The following TOX variants were observed in gnomAD, a reference collection of about 807,000 sequenced individuals.
The protein encoded by TOX is thymocyte selection-associated high mobility group box protein TOX.
Under a neutral mutation model 53.7 loss-of-function variants are expected in TOX, and 11 were observed. That is an observed-to-expected ratio of 0.20 (90% CI 0.13 to 0.34). The LOEUF is 0.34. TOX is among the 10% of genes least tolerant of loss of function. TOX has a pLI of 1.00. For missense variants in TOX, 570 were observed against 664.6 expected (o/e 0.86, Z 1.56); for synonymous variants, 225 against 245.3 (o/e 0.92, Z 0.77).
chr8:58,992,521 T>A (rs1199469128), intron 1 of TOX, among the ~76,000 whole-genome samples: 2 of 152,186 alleles, frequency 1.3e-5, no homozygotes, highest in Non-Finnish European at 2.9e-5. Context: ...CCTTCTTTCT[T>A]CTGTATGGAT....
chr8:59,082,254 C>T (rs1428172494), intron 1 of TOX, among the ~76,000 whole-genome samples: 3 of 152,180 alleles, frequency 2.0e-5, no homozygotes, highest in Non-Finnish European at 2.9e-5. Context: ...TTAAAGTTTG[C>T]TTTTAAAAAA....
At chr8:59,032,565 C>T (rs564723411) in intron 1 of TOX, among the ~76,000 whole-genome samples, 4 of 152,266 alleles carry the variant, frequency 2.6e-5, no homozygotes, top group East Asian at 3.9e-4. Flanking sequence ...CTGGCTAATG[C>T]CTGCCCTTTC....
chr8:59,010,904 C>T (rs1482099784), intron 1 of TOX, among the ~76,000 whole-genome samples: 1 of 152,152 alleles, frequency 6.6e-6, no homozygotes, highest in South Asian at 2.1e-4. Context: ...CTCAGGTTGC[C>T]CGGTATGTGT....
intron 1 of TOX, among the ~76,000 whole-genome samples, chr8:59,007,842 C>T (rs147584277): frequency 6.6e-6 from 1 of 152,286 alleles, no homozygotes; most frequent in East Asian, 1.9e-4. Flanking sequence ...CAACATGGGA[C>T]AGTCAACTTT....
At chr8:59,091,815 G>T (rs1804612116) in intron 1 of TOX, among the ~76,000 whole-genome samples, 1 of 152,086 alleles carries the variant, frequency 6.6e-6, no homozygotes, top group Non-Finnish European at 1.5e-5. Flanking sequence ...ATTTCACCAT[G>T]CTAGGTCAGT....
intron 1 of TOX, among the ~76,000 whole-genome samples, chr8:59,002,967 C>T (rs1813722309): frequency 1.3e-5 from 2 of 152,148 alleles, no homozygotes; most frequent in Admixed American, 1.3e-4. Flanking sequence ...CATTTCTTTA[C>T]ATTGAAGCCT....
In TOX at chr8:59,097,768, T is replaced by C. The variant is rs567770685; in HGVS notation, c.102+21118A>G. On this transcript the variant is annotated intron_variant, in intron 1 of 8. Coordinates refer to ENST00000361421, the MANE Select transcript of TOX (RefSeq NM_014729.3). ...AAGATAATTTTAGAGTTTTATGATA[T>C]GTAAACATTATGTTTTATGAACATA... Among the ~76,000 whole-genome samples, 355 of 152,346 alleles carry C rather than the reference T, an allele frequency of 2.3e-3. 2 individuals carry two copies. Among genetic ancestry groups the C allele is most frequent in the African/African-American group, 7.8e-3 (325 of 41,582 alleles).
intron 1 of TOX, among the ~76,000 whole-genome samples, chr8:59,071,096 T>C (rs1450857731): frequency 6.6e-6 from 1 of 152,186 alleles, no homozygotes; most frequent in Non-Finnish European, 1.5e-5. Flanking sequence ...TGTTCCTGCT[T>C]CTACAATAAT....
At chr8:58,981,087 G>T (rs1244055593) in intron 1 of TOX, among the ~76,000 whole-genome samples, 1 of 152,088 alleles carries the variant, frequency 6.6e-6, no homozygotes, top group Non-Finnish European at 1.5e-5. Flanking sequence ...TGTTGCTTCA[G>T]TTTTAACTAA....
At chr8:59,029,207 TATAG>T (rs1311942813) in intron 1 of TOX, among the ~76,000 whole-genome samples, 1 of 152,060 alleles carries the variant, frequency 6.6e-6, no homozygotes, top group Non-Finnish European at 1.5e-5. Context: ...TTAGATGGAA[TATAG>T]ATATAGTCCC....
chr8:58,867,165 A>G (rs1381086636), intron 3 of TOX, among the ~76,000 whole-genome samples: 1 of 152,186 alleles, frequency 6.6e-6, no homozygotes, highest in Non-Finnish European at 1.5e-5. Flanking sequence ...GACAAAAAAC[A>G]CTCTTGGCAA....
At chr8:58,998,525 A>AAATT (rs1563413434) in intron 1 of TOX, among the ~76,000 whole-genome samples, 1,700 of 58,118 alleles carry the variant, frequency 0.029, 22 homozygotes, top group South Asian at 0.11. Context: ...ATATATATAT[A>AAATT]TATATATATA....
chr8:58,971,497 C>T (rs1202524679), intron 1 of TOX, among the ~76,000 whole-genome samples: 1 of 152,180 alleles, frequency 6.6e-6, no homozygotes, highest in Non-Finnish European at 1.5e-5. Flanking sequence ...CATGCAAGAG[C>T]ATTTGTAAAT....
chr8:58,856,105 T>C (rs558718340), intron 3 of TOX, among the ~76,000 whole-genome samples: 1 of 152,306 alleles, frequency 6.6e-6, no homozygotes, highest in African/African-American at 2.4e-5. Context: ...AATATACTTT[T>C]TTTACATACT....
chr8:58,886,611 T>C (rs1350814123), intron 3 of TOX, among the ~76,000 whole-genome samples: 3 of 152,118 alleles, frequency 2.0e-5, no homozygotes, highest in African/African-American at 7.2e-5. Flanking sequence ...CAAAAAAATA[T>C]AATCTTCAAG....
chr8:59,097,825 T>G (rs1019465424), intron 1 of TOX, among the ~76,000 whole-genome samples: 15 of 152,342 alleles, frequency 9.8e-5, no homozygotes, highest in Middle Eastern at 3.4e-3. Context: ...ATGCATCCTG[T>G]AAGCATAAAG....
Position 58,807,643 on chromosome 8 carries a change from T to C in TOX, c.*104A>G. The C allele has an allele frequency of 7.3e-7, 1 of 1,377,836 alleles. No homozygotes were observed. The highest frequency in any genetic ancestry group is 1.2e-5 in the South Asian group (1 of 80,650). The allele number at this position is 1,377,836 out of a possible 1,614,324, so 85.4% of individuals were successfully genotyped here. ...CAAATGGTCCTAAGTGCTTAGCAAC[T>C]TGTATTTTCTAATAAAATGGAGAAC... On this transcript the variant is annotated 3_prime_UTR_variant, in exon 9 of 9. Transcript: ENST00000361421.
At chr8:58,920,721 T>TAAAAAAAAAAAAAAA (rs5891703) in intron 3 of TOX, among the ~76,000 whole-genome samples, 5 of 81,044 alleles carry the variant, frequency 6.2e-5, no homozygotes, top group African/African-American at 1.0e-4. Flanking sequence ...AAAAAAACAT[T>TAAAAAAAAAAAAAAA]AAAAAAAAAA....
At chr8:59,010,642 T>C (rs1254471711) in intron 1 of TOX, among the ~76,000 whole-genome samples, 1 of 152,224 alleles carries the variant, frequency 6.6e-6, no homozygotes, top group Non-Finnish European at 1.5e-5. Context: ...TTACATCCCT[T>C]TTCAACAAAA....
Sources: gnomAD v4.1 joint callset for allele counts (sites outside exome capture counted in the v4.1 genomes callset) on GRCh38, gnomAD v4.1.1 for gene constraint, MANE v1.5 for transcripts, NCBI Gene and HGNC (gene_info 2026-07-23, HGNC 2026-07-21) for gene names.